PTPRD: variants seen among roughly 807,000 people sequenced by gnomAD.
PTPRD encodes the protein receptor-type tyrosine-protein phosphatase delta.
In PTPRD, 34 loss-of-function variants were observed where a neutral mutation model predicts 214.5. The ratio of observed to expected loss-of-function variants is 0.16; its 90% CI spans 0.12 to 0.21. The LOEUF is 0.21. Among genes scored for constraint, PTPRD ranks in the 10% least tolerant of loss-of-function variants. The pLI is 1.00. For missense variants in PTPRD, 2,545 were observed against 2,398.7 expected, an observed-to-expected ratio of 1.06 and a Z score of -1.27; for synonymous variants, 1,128 against 845.7, an observed-to-expected ratio of 1.33 and a Z score of -5.79.
chr9:8,580,130 G>A (rs567409471), intron 14 of PTPRD, among the ~76,000 whole-genome samples: 2 of 152,250 alleles, frequency 1.3e-5, no homozygotes, highest in African/African-American at 4.8e-5. Flanking sequence ...TATTAAGACA[G>A]AATATACGAA....
At chr9:9,198,408 G>GTT (rs557441820) in intron 9 of PTPRD, among the ~76,000 whole-genome samples, 1 of 149,412 alleles carries the variant, frequency 6.7e-6, no homozygotes. Context: ...TGTCAAATAG[G>GTT]TTTTTTTTTT....
chr9:10,536,259 C>G (rs2057774957), intron 2 of PTPRD, among the ~76,000 whole-genome samples: 1 of 152,156 alleles, frequency 6.6e-6, no homozygotes, highest in Non-Finnish European at 1.5e-5. Context: ...GTAATATCAT[C>G]TGTGCACAGA....
intron 10 of PTPRD, among the ~76,000 whole-genome samples, chr9:9,060,398 T>A (rs887579653): frequency 6.6e-6 from 1 of 152,062 alleles, no homozygotes; most frequent in African/African-American, 2.4e-5. Context: ...GTAAAACAAA[T>A]TTAGAAAATA....
At chr9:10,296,669 T>G (rs1353522199) in intron 3 of PTPRD, among the ~76,000 whole-genome samples, 4 of 151,978 alleles carry the variant, frequency 2.6e-5, no homozygotes, top group African/African-American at 7.2e-5. Flanking sequence ...ACCATCAGTG[T>G]TTCAATAACA....
intron 7 of PTPRD, among the ~76,000 whole-genome samples, chr9:9,732,908 T>A (rs1002143360): frequency 1.1e-5 from 1 of 93,958 alleles, no homozygotes; most frequent in Non-Finnish European, 2.0e-5. Flanking sequence ...TGAAACCTTG[T>A]TTCCAAAAAA....
intron 9 of PTPRD, among the ~76,000 whole-genome samples, chr9:9,395,723 GAACA>G (rs2067539097): frequency 6.6e-6 from 1 of 151,986 alleles, no homozygotes; most frequent in Non-Finnish European, 1.5e-5. Context: ...TGAACTAGCT[GAACA>G]AATAGACTGG....
intron 10 of PTPRD, among the ~76,000 whole-genome samples, chr9:9,039,476 G>A (rs527960095): frequency 2.6e-5 from 4 of 152,114 alleles, no homozygotes; most frequent in South Asian, 2.1e-4. Context: ...AGGCCAGTGG[G>A]ACCAAATCCA....
chr9:9,901,769 G>A (rs1030705318), intron 5 of PTPRD, among the ~76,000 whole-genome samples: 4 of 152,090 alleles, frequency 2.6e-5, no homozygotes, highest in Admixed American at 1.3e-4. Context: ...GGGAGGCATG[G>A]CTGGGGAGGC....
chr9:8,734,446 T>C (rs151328184), intron 11 of PTPRD, among the ~76,000 whole-genome samples: 5 of 152,334 alleles, frequency 3.3e-5, no homozygotes, highest in South Asian at 2.1e-4. Flanking sequence ...TCCAGGTAAA[T>C]AGCAGAGGTT....
intron 2 of PTPRD, among the ~76,000 whole-genome samples, chr9:10,390,051 A>C (rs142355880): frequency 2.0e-5 from 3 of 151,926 alleles, no homozygotes; most frequent in Admixed American, 6.6e-5. Context: ...CATGGCTCAC[A>C]ATTGCAATTA....
At chr9:9,410,273 A>G (rs924469533) in intron 8 of PTPRD, among the ~76,000 whole-genome samples, 2 of 152,214 alleles carry the variant, frequency 1.3e-5, no homozygotes, top group African/African-American at 4.8e-5. Flanking sequence ...GCTATAAATC[A>G]CAGACAGAAA....
intron 9 of PTPRD, among the ~76,000 whole-genome samples, chr9:9,199,266 G>GA (rs1397726890): frequency 6.6e-6 from 1 of 152,142 alleles, no homozygotes; most frequent in Non-Finnish European, 1.5e-5. Context: ...CTGGGATAAA[G>GA]ATTTATTTTA....
At chr9:8,592,734 G>C (rs1268585812) in intron 14 of PTPRD, among the ~76,000 whole-genome samples, 3 of 152,302 alleles carry the variant, frequency 2.0e-5, no homozygotes, top group Non-Finnish European at 4.4e-5. Flanking sequence ...TGCTGTGCTT[G>C]AAGATTTTCA....
chr9:9,437,098 C>T (rs560030285), intron 8 of PTPRD, among the ~76,000 whole-genome samples: 8 of 152,230 alleles, frequency 5.3e-5, no homozygotes, highest in African/African-American at 1.7e-4. Context: ...TTTTGGGCAG[C>T]GAATTCACTG....
chr9:9,717,122 G>T (rs557787271), intron 7 of PTPRD, among the ~76,000 whole-genome samples: 3 of 151,932 alleles, frequency 2.0e-5, no homozygotes, highest in Admixed American at 2.0e-4. Flanking sequence ...TTTCCCCATT[G>T]CTTGTTTTTG....
At chr9:9,782,394 T>C (rs981654519) in intron 5 of PTPRD, among the ~76,000 whole-genome samples, 107 of 152,314 alleles carry the variant, frequency 7.0e-4, no homozygotes, top group African/African-American at 2.2e-3. Context: ...TGATTGTTCA[T>C]TGATTGACAG....
chr9:9,274,589 T>A (rs1167037337), intron 9 of PTPRD, among the ~76,000 whole-genome samples: 3 of 151,152 alleles, frequency 2.0e-5, no homozygotes, highest in African/African-American at 7.3e-5. Flanking sequence ...TTTGGAGAAC[T>A]CCCAAAAATG....
chr9:9,861,324 T>C (rs2062722687), intron 5 of PTPRD, among the ~76,000 whole-genome samples: 1 of 152,212 alleles, frequency 6.6e-6, no homozygotes, highest in Non-Finnish European at 1.5e-5. Context: ...AGAGTCTTGC[T>C]CTGTCTCCCA....
chr9:8,863,075 A>T (rs184971540), intron 11 of PTPRD, among the ~76,000 whole-genome samples: 44 of 140,420 alleles, frequency 3.1e-4, no homozygotes, highest in African/African-American at 1.1e-3. Context: ...ATAATAATAA[A>T]AAAAAGAAAT....
Sources: gnomAD v4.1 joint callset for allele counts (sites outside exome capture counted in the v4.1 genomes callset) on GRCh38, gnomAD v4.1.1 for gene constraint, MANE v1.5 for transcripts, NCBI Gene and HGNC (gene_info 2026-07-23, HGNC 2026-07-21) for gene names.